AKT3: variants seen among roughly 807,000 people sequenced by gnomAD.
AKT3 encodes the protein AKT serine/threonine kinase 3.
A neutral mutation model predicts 65.3 loss-of-function variants in AKT3; 15 were observed. The observed-to-expected ratio is 0.23, with a 90% CI of 0.15 to 0.35. The LOEUF is 0.35. AKT3 is among the 10% of genes least tolerant of loss of function. The probability of loss-of-function intolerance (pLI) is 1.00; values close to 1 mark genes in which losing one functional copy is unlikely to be tolerated. For missense variants in AKT3, 243 were observed against 576.5 expected (o/e 0.42, Z 5.92); for synonymous variants, 206 against 183.8 (o/e 1.12, Z -0.98).
chr1:243,746,514 C>T (rs546672934), intron 2 of AKT3, among the ~76,000 whole-genome samples: 3 of 152,202 alleles, frequency 2.0e-5, no homozygotes, highest in African/African-American at 7.2e-5. Context: ...CATTTAATTA[C>T]CACTTGCTTG....
At chr1:243,755,071 A>G (rs1689045137) in intron 2 of AKT3, among the ~76,000 whole-genome samples, 1 of 151,936 alleles carries the variant, frequency 6.6e-6, no homozygotes, top group African/African-American at 2.4e-5. Flanking sequence ...CTTTTTAATT[A>G]TTATTGGTTT....
chr1:243,755,526 T>C (rs945316837), intron 2 of AKT3, among the ~76,000 whole-genome samples: 3 of 152,160 alleles, frequency 2.0e-5, no homozygotes, highest in African/African-American at 4.8e-5. Context: ...GATTCACTGA[T>C]AAGAAAGCAA....
At chr1:243,550,894 G>A (rs1216850576) in intron 11 of AKT3, among the ~76,000 whole-genome samples, 2 of 142,498 alleles carry the variant, frequency 1.4e-5, no homozygotes, top group African/African-American at 2.6e-5. Flanking sequence ...AGGAGGCGGA[G>A]GTTGCAGTGG....
intron 2 of AKT3, among the ~76,000 whole-genome samples, chr1:243,831,514 T>G (rs1694505340): frequency 6.6e-6 from 1 of 152,106 alleles, no homozygotes; most frequent in Admixed American, 6.5e-5. Flanking sequence ...CACAGAAAAT[T>G]AGTGGTAGGT....
In AKT3 at chr1:243,489,132, C is replaced by T. The variant is rs182859748; in HGVS notation, c.*7-682G>A. 22 of 1,612,296 alleles carry T rather than the reference C, an allele frequency of 1.4e-5. No homozygotes were observed. The East Asian group carries it at 2.0e-4, about 15-fold the overall frequency. On this transcript the variant is annotated intron_variant, in intron 13 of 13. Coordinates refer to the AKT3 transcript ENST00000336199. ...CCTGTCGGAAGAGGTGGACCGGCTG[C>T]GGACCCAGGTACTGTGCAGAACGCG...
At chr1:243,547,050 G>T (rs957738517) in intron 11 of AKT3, 2 of 152,192 alleles carry the variant, frequency 1.3e-5, no homozygotes, top group Non-Finnish European at 2.9e-5. Flanking sequence ...ACAATGTAAT[G>T]AATCTGCATT....
intron 6 of AKT3, among the ~76,000 whole-genome samples, chr1:243,633,070 A>T (rs1445578899): frequency 6.6e-6 from 1 of 152,216 alleles, no homozygotes; most frequent in Non-Finnish European, 1.5e-5. Context: ...TTCTCATCAG[A>T]AACATTGAAG....
chr1:243,830,939 C>T (rs1694468524), intron 2 of AKT3, among the ~76,000 whole-genome samples: 1 of 152,104 alleles, frequency 6.6e-6, no homozygotes, highest in South Asian at 2.1e-4. Flanking sequence ...TTCTGTTTTG[C>T]TACACAAAAA....
At chr1:243,659,925 A>C (rs1682152391) in intron 4 of AKT3, among the ~76,000 whole-genome samples, 1 of 152,200 alleles carries the variant, frequency 6.6e-6, no homozygotes, top group Admixed American at 6.5e-5. Context: ...CATCAAGGAT[A>C]TTGGTCTAAA....
At chr1:243,759,463 GGTGAAA>G (rs1689355247) in intron 2 of AKT3, among the ~76,000 whole-genome samples, 1 of 151,542 alleles carries the variant, frequency 6.6e-6, no homozygotes, top group African/African-American at 2.4e-5. Context: ...TAAAAACTTA[GGTGAAA>G]GCTAAATTAC....
chr1:243,495,592 C>T (rs1325673877), downstream of AKT3, among the ~76,000 whole-genome samples: 1 of 152,188 alleles, frequency 6.6e-6, no homozygotes, highest in East Asian at 1.9e-4. Flanking sequence ...GGGGACGAGG[C>T]CCCTCAGTGA....
At chr1:243,621,914 C>T (rs968335838) in intron 6 of AKT3, among the ~76,000 whole-genome samples, 3 of 152,180 alleles carry the variant, frequency 2.0e-5, no homozygotes, top group African/African-American at 4.8e-5. Flanking sequence ...TCCATTGCTA[C>T]TACCCTAGTA....
At chr1:243,775,893 T>G (rs1271475683) in intron 2 of AKT3, among the ~76,000 whole-genome samples, 2 of 151,730 alleles carry the variant, frequency 1.3e-5, no homozygotes, top group African/African-American at 2.4e-5. Context: ...GAAAAGAAAA[T>G]AAAAAATAAA....
Position 243,502,366 on chromosome 1 carries a change from C to G in AKT3, c.*2883G>C, listed in dbSNP as rs1196455927. 4.3e-6 allele frequency: 1 copy of G among 232,876 alleles called. No homozygotes were observed. Among genetic ancestry groups the G allele is most frequent in the Non-Finnish European group, 8.5e-6 (1 of 117,896 alleles). 14.4% of individuals were successfully genotyped at this position (232,876 alleles called of 1,614,324 possible). A position where few individuals can be genotyped will look rare whatever the true frequency, so the allele number is the denominator to read the frequency against. ...AATGGAAAACAATACTTGAATAATGCTATGTAATTAGTGTAGAAAGCAAAG... is the reference window on the plus strand; with the variant it reads ...AATGGAAAACAATACTTGAATAATGGTATGTAATTAGTGTAGAAAGCAAAG... On this transcript the variant is annotated 3_prime_UTR_variant, in exon 14 of 14. Transcript: ENST00000673466.
chr1:243,739,785 T>C (rs1688045632), intron 2 of AKT3, among the ~76,000 whole-genome samples: 1 of 152,228 alleles, frequency 6.6e-6, no homozygotes, highest in African/African-American at 2.4e-5. Flanking sequence ...TTACACTCTG[T>C]TCCCCAGATA....
intron 3 of AKT3, chr1:243,687,573 C>A (rs1355898179): frequency 1.3e-5 from 2 of 152,000 alleles, no homozygotes; most frequent in African/African-American, 4.8e-5. Context: ...AAACTCTTGA[C>A]TGCCGCAGTC....
intron 8 of AKT3, among the ~76,000 whole-genome samples, chr1:243,576,774 C>A (rs904680814): frequency 1.3e-5 from 2 of 152,074 alleles, no homozygotes. Context: ...TATGAAGAAT[C>A]AATATTGGGA....
At position 243,722,426 on chromosome 1, in the gene AKT3, T is replaced by A. The variant is rs189213070; in HGVS notation, c.47-26710A>T. 3.0e-4 allele frequency among the ~76,000 whole-genome samples: 45 copies of A among 152,314 alleles called. No individual in the cohort carries two copies. In the East Asian group the frequency reaches 8.3e-3, roughly 28 times the overall value. On this transcript the variant is annotated intron_variant, in intron 2 of 13. Coordinates refer to ENST00000673466, the MANE Select transcript of AKT3 (RefSeq NM_005465.7). Reference sequence around the variant, plus strand: ...CTGTGCATGCTTCTGAGTACATGCATATGAATAAAATGCTAAGGGGAAAAC... The same window carrying A: ...CTGTGCATGCTTCTGAGTACATGCAAATGAATAAAATGCTAAGGGGAAAAC...
At chr1:243,652,673 C>T (rs1681447426) in intron 4 of AKT3, among the ~76,000 whole-genome samples, 1 of 146,650 alleles carries the variant, frequency 6.8e-6, no homozygotes, top group Non-Finnish European at 1.5e-5. Context: ...AGTCAAGATC[C>T]ATCAATGTGC....
Sources: allele counts gnomAD v4.1 joint callset (sites outside exome capture counted in the v4.1 genomes callset), GRCh38; gene constraint gnomAD v4.1.1; transcripts MANE v1.5; gene names NCBI Gene and HGNC (gene_info 2026-07-23, HGNC 2026-07-21).